Variants in NKAIN3 observed in about 807,000 individuals in gnomAD.
The protein encoded by NKAIN3 is sodium/potassium transporting ATPase interacting 3, also known as sodium/potassium-transporting ATPase subunit beta-1-interacting protein 3.
A neutral mutation model predicts 30.2 loss-of-function variants in NKAIN3; 25 were observed. The ratio of observed to expected loss-of-function variants is 0.83; its 90% CI spans 0.60 to 1.16. The LOEUF (loss-of-function observed/expected upper bound fraction) is 1.16. Among genes scored for constraint, NKAIN3 ranks in the 50% most tolerant of loss-of-function variants. The pLI is 0.00. For missense variants in NKAIN3, 225 were observed against 254.1 expected (o/e 0.89, Z 0.78); for synonymous variants, 91 against 89.6 (o/e 1.02, Z -0.09).
At position 62,589,724 on chromosome 8, in the gene NKAIN3, G is replaced by A. The variant is rs1252504509; in HGVS notation, c.203G>A (p.Trp68Ter). The part of the protein sequence containing the change: ...RPRYIMVYTV[W>*]TALWVTWNVF... ...CCCATTTCTATCTAGTATACAGTGT[G>A]GACTGCCCTCTGGGTCACCTGGAAT... Residue 68 changes from tryptophan to a stop codon, truncating the protein, a stop_gained, in exon 3 of 7, where the codon TGG (tryptophan) becomes TAG (stop). Coordinates refer to ENST00000623646, the MANE Select transcript of NKAIN3 (RefSeq NM_001304533.3). LOFTEE classifies it high-confidence loss of function. The A allele has an allele frequency of 3.8e-6, 6 of 1,583,944 alleles. No individual in the cohort carries two copies. Among genetic ancestry groups the A allele is most frequent in the South Asian group, 1.1e-5 (1 of 89,776 alleles).
intron 4 of NKAIN3, among the ~76,000 whole-genome samples, chr8:62,885,381 G>C (rs1821113675): frequency 6.6e-6 from 1 of 152,146 alleles, no homozygotes; most frequent in Non-Finnish European, 1.5e-5. Flanking sequence ...ATTGTGTTAA[G>C]TTGTGTTTTA....
intron 5 of NKAIN3, among the ~76,000 whole-genome samples, chr8:62,930,184 T>C (rs1187262556): frequency 6.6e-6 from 1 of 152,164 alleles, no homozygotes; most frequent in Non-Finnish European, 1.5e-5. Flanking sequence ...AAACAGTATC[T>C]CTGTACCCAT....
At chr8:62,662,762 C>A (rs1202890146) in intron 3 of NKAIN3, among the ~76,000 whole-genome samples, 1 of 151,910 alleles carries the variant, frequency 6.6e-6, no homozygotes. Context: ...CTTTGGATAC[C>A]AACTATGTAC....
chr8:62,596,402 C>T (rs1476959948), intron 3 of NKAIN3, among the ~76,000 whole-genome samples: 1 of 151,960 alleles, frequency 6.6e-6, no homozygotes, highest in Non-Finnish European at 1.5e-5. Context: ...TTCTGGTGAC[C>T]CTGGCAGTGT....
chr8:62,637,759 G>A (rs1812179647), intron 3 of NKAIN3, among the ~76,000 whole-genome samples: 1 of 152,138 alleles, frequency 6.6e-6, no homozygotes, highest in Admixed American at 6.5e-5. Context: ...CTGGGGCCTG[G>A]GAGTGGGGTC....
At chr8:62,447,182 TC>T (rs1395108039) in intron 1 of NKAIN3, among the ~76,000 whole-genome samples, 2 of 152,006 alleles carry the variant, frequency 1.3e-5, no homozygotes, top group East Asian at 3.9e-4. Flanking sequence ...AACAGAACTA[TC>T]CCAGGCAAAC....
At chr8:62,863,073 TA>T in intron 4 of NKAIN3, 1 of 1,041,110 alleles carries the variant, frequency 9.6e-7, no homozygotes, top group Non-Finnish European at 1.5e-6. Context: ...CTCTGTATCA[TA>T]TATCTCTCAA....
chr8:62,815,150 C>T (rs1294216786), intron 4 of NKAIN3, among the ~76,000 whole-genome samples: 1 of 152,016 alleles, frequency 6.6e-6, no homozygotes, highest in African/African-American at 2.4e-5. Flanking sequence ...GACACATACA[C>T]CCTCCCAAGA....
chr8:62,755,063 G>A (rs559212243), intron 4 of NKAIN3, among the ~76,000 whole-genome samples: 2 of 152,352 alleles, frequency 1.3e-5, no homozygotes, highest in African/African-American at 4.8e-5. Flanking sequence ...TCTTGGAGCT[G>A]ATCTCTGTGC....
intron 3 of NKAIN3, among the ~76,000 whole-genome samples, chr8:62,709,418 G>A (rs1814644810): frequency 6.6e-6 from 1 of 152,046 alleles, no homozygotes; most frequent in African/African-American, 2.4e-5. Context: ...TGTCTCTTCA[G>A]GGTATCCAAT....
intron 3 of NKAIN3, among the ~76,000 whole-genome samples, chr8:62,715,115 T>C (rs1814853053): frequency 6.6e-6 from 1 of 152,036 alleles, no homozygotes; most frequent in South Asian, 2.1e-4. Flanking sequence ...GGAGGTGCTA[T>C]ACACTTTTAA....
intron 4 of NKAIN3, among the ~76,000 whole-genome samples, chr8:62,906,661 T>C (rs1041537589): frequency 6.6e-6 from 1 of 152,194 alleles, no homozygotes; most frequent in African/African-American, 2.4e-5. Flanking sequence ...TCTCATGAGA[T>C]CTGCTGGTTT....
At chr8:62,991,841 G>T (rs1046933798) in intron 5 of NKAIN3, among the ~76,000 whole-genome samples, 1 of 152,262 alleles carries the variant, frequency 6.6e-6, no homozygotes, top group African/African-American at 2.4e-5. Context: ...AAGGGACAAA[G>T]TGTCCTGGTG....
intron 1 of NKAIN3, among the ~76,000 whole-genome samples, chr8:62,313,795 T>G (rs1814527257): frequency 6.6e-6 from 1 of 152,170 alleles, no homozygotes; most frequent in Non-Finnish European, 1.5e-5. Context: ...CACAAGGCAC[T>G]AAGTTCACAT....
At chr8:62,587,445 G>A (rs891737147) in intron 2 of NKAIN3, among the ~76,000 whole-genome samples, 8 of 151,868 alleles carry the variant, frequency 5.3e-5, no homozygotes, top group Non-Finnish European at 1.0e-4. Flanking sequence ...GCCAATTATA[G>A]AACATATATG....
Position 62,782,956 on chromosome 8 carries a change from T to C in NKAIN3, c.471+35827T>C, listed in dbSNP as rs1314033310. Among the ~76,000 whole-genome samples the C allele has an allele frequency of 2.6e-5, 4 of 151,930 alleles. No homozygotes were observed. The East Asian group carries it at 5.8e-4, about 22-fold the overall frequency. ...TTAGAAAAGAGGACTTGAAATGATATCAAAACATAGAAATGATACTCAAGG... is the reference window on the plus strand; with the variant it reads ...TTAGAAAAGAGGACTTGAAATGATACCAAAACATAGAAATGATACTCAAGG... On this transcript the variant is annotated intron_variant, in intron 4 of 6. Transcript: ENST00000623646.
chr8:62,444,207 A>T (rs147733703), intron 1 of NKAIN3, among the ~76,000 whole-genome samples: 154 of 152,294 alleles, frequency 1.0e-3, no homozygotes, highest in African/African-American at 3.5e-3. Context: ...TAATTGAGAT[A>T]TCCATCACCT....
At chr8:62,309,388 T>A (rs1163228175) in intron 1 of NKAIN3, among the ~76,000 whole-genome samples, 1 of 150,640 alleles carries the variant, frequency 6.6e-6, no homozygotes, top group Non-Finnish European at 1.5e-5. Flanking sequence ...CCTATTTTGA[T>A]AATGCACATA....
chr8:62,589,129 A>G lies in NKAIN3; in HGVS notation c.193-585A>G, dbSNP rs1383063542. Among the ~76,000 whole-genome samples, 4 of 151,982 alleles carry G rather than the reference A, an allele frequency of 2.6e-5. 1 individual carries two copies. In the South Asian group the frequency reaches 8.3e-4, roughly 31 times the overall value. The stretch of plus-strand genomic sequence containing the variant: ...TGGAAGATATGAAAATCTGTTATTC[A>G]TTTCCTCATTCTTAATCCTATTTAT... On this transcript the variant is annotated intron_variant, in intron 2 of 6. Transcript: ENST00000623646.
Sources: gnomAD v4.1 joint callset for allele counts (sites outside exome capture counted in the v4.1 genomes callset) on GRCh38, gnomAD v4.1.1 for gene constraint, MANE v1.5 for transcripts, NCBI Gene and HGNC (gene_info 2026-07-23, HGNC 2026-07-21) for gene names.